Variants in LRRC4C observed in about 807,000 individuals in gnomAD.
LRRC4C encodes the protein leucine-rich repeat-containing protein 4C.
A neutral mutation model predicts 33.6 loss-of-function variants in LRRC4C; 5 were observed. The observed-to-expected ratio is 0.15, with a 90% CI of 0.08 to 0.31. LRRC4C has a LOEUF of 0.31. Among genes scored for constraint, LRRC4C ranks in the 10% least tolerant of loss-of-function variants. LRRC4C has a pLI of 1.00. For missense variants in LRRC4C, 560 were observed against 796.7 expected, an observed-to-expected ratio of 0.70 and a Z score of 3.58; for synonymous variants, 329 against 302.0, an observed-to-expected ratio of 1.09 and a Z score of -0.93.
chr11:41,154,493 T>C (rs890084359), intron 1 of LRRC4C, among the ~76,000 whole-genome samples: 2 of 152,164 alleles, frequency 1.3e-5, no homozygotes, highest in African/African-American at 2.4e-5. Context: ...TATCCAGTTA[T>C]GAGTATGTAC....
At chr11:40,652,792 T>C (rs987611423) in intron 2 of LRRC4C, among the ~76,000 whole-genome samples, 1 of 152,160 alleles carries the variant, frequency 6.6e-6, no homozygotes, top group Non-Finnish European at 1.5e-5. Flanking sequence ...TCTTTTAAGA[T>C]TTTCAGGAGG....
At chr11:41,403,900 A>G (rs1380833034) in intron 1 of LRRC4C, among the ~76,000 whole-genome samples, 1 of 152,016 alleles carries the variant, frequency 6.6e-6, no homozygotes, top group Non-Finnish European at 1.5e-5. Flanking sequence ...CTTGTTATTT[A>G]AAAAGGGCAA....
At chr11:41,180,574 T>C (rs182449897) in intron 1 of LRRC4C, among the ~76,000 whole-genome samples, 77 of 152,292 alleles carry the variant, frequency 5.1e-4, no homozygotes, top group Admixed American at 2.6e-3. Context: ...AGAATTTAAA[T>C]GTGTGTGGGT....
chr11:41,276,631 T>C (rs1949494225), intron 1 of LRRC4C, among the ~76,000 whole-genome samples: 1 of 152,114 alleles, frequency 6.6e-6, no homozygotes, highest in Non-Finnish European at 1.5e-5. Context: ...AATATATCCA[T>C]ATCCTGCTCC....
chr11:40,712,483 A>C (rs958743705), intron 2 of LRRC4C, among the ~76,000 whole-genome samples: 5 of 152,180 alleles, frequency 3.3e-5, no homozygotes, highest in Admixed American at 2.6e-4. Context: ...CCCAAAATCT[A>C]ATCTTGAATT....
At chr11:40,395,786 A>G (rs529728457) in intron 3 of LRRC4C, among the ~76,000 whole-genome samples, 5 of 152,140 alleles carry the variant, frequency 3.3e-5, no homozygotes, top group South Asian at 2.1e-4. Context: ...CAGGAGTTCA[A>G]TACTAGCCTG....
chr11:40,724,150 A>G (rs2136707402), intron 2 of LRRC4C, among the ~76,000 whole-genome samples: 1 of 152,342 alleles, frequency 6.6e-6, no homozygotes, highest in East Asian at 1.9e-4. Context: ...TTAATTACAT[A>G]ATAATAGTGA....
chr11:40,889,982 C>A (rs1238295123), intron 2 of LRRC4C, among the ~76,000 whole-genome samples: 1 of 152,062 alleles, frequency 6.6e-6, no homozygotes. Context: ...CAATTTATGA[C>A]CAAAAGGAAG....
intron 5 of LRRC4C, among the ~76,000 whole-genome samples, chr11:40,159,220 G>C (rs1371538615): frequency 1.3e-5 from 2 of 152,124 alleles, no homozygotes; most frequent in Non-Finnish European, 2.9e-5. Flanking sequence ...AGATGGCGAA[G>C]ATAATTTTCA....
At chr11:40,764,057 C>T (rs1949344108) in intron 2 of LRRC4C, among the ~76,000 whole-genome samples, 1 of 152,104 alleles carries the variant, frequency 6.6e-6, no homozygotes, top group South Asian at 2.1e-4. Context: ...AGACTCTTTC[C>T]TTCCATTTGA....
At chr11:41,306,701 G>A (rs1042560984) in intron 1 of LRRC4C, among the ~76,000 whole-genome samples, 2 of 152,156 alleles carry the variant, frequency 1.3e-5, no homozygotes, top group African/African-American at 4.8e-5. Context: ...AGTCTATGGG[G>A]GAATTCCTTT....
intron 3 of LRRC4C, among the ~76,000 whole-genome samples, chr11:40,549,980 G>A (rs931366574): frequency 6.6e-6 from 1 of 151,984 alleles, no homozygotes; most frequent in Non-Finnish European, 1.5e-5. Context: ...AAACAGAGAT[G>A]CTATTTTATA....
intron 1 of LRRC4C, among the ~76,000 whole-genome samples, chr11:41,187,063 A>G (rs1321436684): frequency 1.3e-5 from 2 of 152,210 alleles, no homozygotes; most frequent in Non-Finnish European, 2.9e-5. Flanking sequence ...CTGATTATAT[A>G]CATTTTCATC....
At chr11:40,969,603 A>G (rs1194022711) in intron 1 of LRRC4C, among the ~76,000 whole-genome samples, 1 of 152,190 alleles carries the variant, frequency 6.6e-6, no homozygotes, top group African/African-American at 2.4e-5. Context: ...ATCAATATCA[A>G]TGCAAGAGTT....
intron 4 of LRRC4C, among the ~76,000 whole-genome samples, chr11:40,289,087 T>C (rs1944026521): frequency 6.6e-6 from 1 of 152,182 alleles, no homozygotes; most frequent in Non-Finnish European, 1.5e-5. Context: ...ATATCTAAAA[T>C]AATATATTGA....
chr11:40,586,511 G>C (rs1591188045), intron 3 of LRRC4C, among the ~76,000 whole-genome samples: 1 of 149,106 alleles, frequency 6.7e-6, no homozygotes, highest in East Asian at 2.0e-4. Flanking sequence ...CTCTTTTGTT[G>C]CCATTGATTT....
intron 1 of LRRC4C, among the ~76,000 whole-genome samples, chr11:41,392,476 T>A (rs1248764980): frequency 1.3e-5 from 2 of 151,698 alleles, no homozygotes; most frequent in Admixed American, 1.3e-4. Context: ...TAATAAGCCT[T>A]CTTTGGTACT....
chr11:41,163,427 G>T (rs1302434790), intron 1 of LRRC4C, among the ~76,000 whole-genome samples: 2 of 150,968 alleles, frequency 1.3e-5, no homozygotes, highest in Non-Finnish European at 2.9e-5. Flanking sequence ...GGAATTACAG[G>T]TGTCTGCCAT....
At chr11:40,803,674 C>G (rs1951132537) in intron 2 of LRRC4C, among the ~76,000 whole-genome samples, 1 of 152,048 alleles carries the variant, frequency 6.6e-6, no homozygotes, top group Non-Finnish European at 1.5e-5. Context: ...GTTTCACCGT[C>G]TCTACTAAAA....
Sources: allele counts gnomAD v4.1 joint callset (sites outside exome capture counted in the v4.1 genomes callset), GRCh38; gene constraint gnomAD v4.1.1; transcripts MANE v1.5; gene names NCBI Gene and HGNC (gene_info 2026-07-23, HGNC 2026-07-21).